ZNF71: variants seen among roughly 807,000 people sequenced by gnomAD.
ZNF71 encodes the protein zinc finger protein 71.
Under a neutral mutation model 6.7 loss-of-function variants are expected in ZNF71, and 3 were observed. The observed-to-expected ratio is 0.45, with a 90% CI of 0.20 to 1.16. The LOEUF (loss-of-function observed/expected upper bound fraction) is 1.16. Among genes scored for constraint, ZNF71 ranks in the 50% most tolerant of loss-of-function variants. The probability of loss-of-function intolerance (pLI) is 0.25; values close to 1 mark genes in which losing one functional copy is unlikely to be tolerated. For missense variants in ZNF71, 688 were observed against 728.6 expected (o/e 0.94, Z 0.64); for synonymous variants, 343 against 311.1 (o/e 1.10, Z -1.08).
intron 2 of ZNF71, among the ~76,000 whole-genome samples, chr19:56,610,907 A>G (rs1219974368): frequency 2.0e-5 from 3 of 152,186 alleles, no homozygotes; most frequent in Non-Finnish European, 4.4e-5. Flanking sequence ...ATGAGATTTC[A>G]TTGTATATAG....
chr19:56,605,095 G>A (rs534028560), intron 2 of ZNF71, among the ~76,000 whole-genome samples: 5 of 152,292 alleles, frequency 3.3e-5, no homozygotes, highest in African/African-American at 1.2e-4. Flanking sequence ...TTGTGGATGT[G>A]TTTTTCATGT....
chr19:56,602,114 C>G (rs901493996), intron 2 of ZNF71, among the ~76,000 whole-genome samples: 19 of 152,174 alleles, frequency 1.2e-4, no homozygotes, highest in African/African-American at 3.9e-4. Context: ...GAGCATTTCT[C>G]CACATCATTA....
At chr19:56,607,544 A>C (rs1321165383) in intron 2 of ZNF71, among the ~76,000 whole-genome samples, 1 of 152,196 alleles carries the variant, frequency 6.6e-6, no homozygotes, top group Non-Finnish European at 1.5e-5. Context: ...CCCTTTTAAC[A>C]GAGGAAGAAA....
chr19:56,601,430 T>C, intron 1 of ZNF71, 77 bp from the exon 2 acceptor site: 1 of 388,094 alleles, frequency 2.6e-6, no homozygotes, highest in African/African-American at 3.1e-5. Flanking sequence ...AGTGGGTGTG[T>C]GTCTGTCCTG....
chr19:56,620,940 C>G (rs761193426), intron 3 of ZNF71, among the ~76,000 whole-genome samples: 2 of 152,216 alleles, frequency 1.3e-5, no homozygotes, highest in African/African-American at 2.4e-5. Flanking sequence ...CATTCCTACT[C>G]AGGTTTGCAG....
chr19:56,621,495 G>A lies in ZNF71; in HGVS notation c.388G>A (p.Gly130Ser). 2 of 1,614,106 alleles carry A rather than the reference G, an allele frequency of 1.2e-6. No individual in the cohort carries two copies. Among genetic ancestry groups the A allele is most frequent in the Non-Finnish European group, 1.7e-6 (2 of 1,180,014 alleles). ...GIPQGNKLLGGSVPACHELKA... is the reference protein window; with the variant it reads ...GIPQGNKLLGSSVPACHELKA... Reference sequence around the variant, plus strand: ...TCCCCAGGGGAACAAACTCTTAGGGGGCTCAGTACCCGCATGTCATGAACT... The same window carrying A: ...TCCCCAGGGGAACAAACTCTTAGGGAGCTCAGTACCCGCATGTCATGAACT... Residue 130 changes from glycine to serine, a missense_variant, in exon 4 of 4, where the codon GGC (glycine) becomes AGC (serine). Transcript: ENST00000599599.
chr19:56,616,743 G>T (rs1319738599), intron 3 of ZNF71, among the ~76,000 whole-genome samples: 1 of 152,084 alleles, frequency 6.6e-6, no homozygotes. Context: ...TATCTGCCTT[G>T]GTCTCTCAGC....
At chr19:56,609,974 T>C (rs1267147328) in intron 2 of ZNF71, 1 of 152,278 alleles carries the variant, frequency 6.6e-6, no homozygotes, top group Non-Finnish European at 1.5e-5. Context: ...GGTTCCTTCA[T>C]GTTGCAGCGT....
chr19:56,605,339 A>G (rs1328434941), intron 2 of ZNF71, among the ~76,000 whole-genome samples: 3 of 152,254 alleles, frequency 2.0e-5, no homozygotes, highest in East Asian at 3.9e-4. Flanking sequence ...AAGCAGCCAC[A>G]AGGAAAAGTG....
In ZNF71 at chr19:56,624,120, C is replaced by T. The variant is rs1346089989; in HGVS notation, c.*1363C>T. 2 of 166,618 alleles carry T rather than the reference C, an allele frequency of 1.2e-5. No individual in the cohort carries two copies. Among genetic ancestry groups the T allele is most frequent in the Admixed American group, 1.3e-4 (2 of 15,284 alleles). The allele number at this position is 166,618 out of a possible 1,614,324, so 10.3% of individuals were successfully genotyped here. A position where few individuals can be genotyped will look rare whatever the true frequency, so the allele number is the denominator to read the frequency against. ...ATACTACTGGTTGCTAATGTTCTGG[C>T]ATTTCCAGTTGTTCCACACTCCCTG... On this transcript the variant is annotated 3_prime_UTR_variant, in exon 4 of 4. Coordinates refer to ENST00000599599, the MANE Select transcript of ZNF71 (RefSeq NM_001370215.1).
chr19:56,607,926 C>T (rs57842570), intron 2 of ZNF71, among the ~76,000 whole-genome samples: 12,442 of 152,152 alleles, frequency 0.082, 1,627 homozygotes, highest in African/African-American at 0.28. Context: ...TGGTGGGATG[C>T]CTTAACTCCT....
At position 56,598,118 on chromosome 19, in the gene ZNF71, G is replaced by A. The variant is rs1410026206; in HGVS notation, c.-53+2690G>A. Among the ~76,000 whole-genome samples the A allele has an allele frequency of 6.6e-6, 1 of 152,174 alleles. No individual in the cohort carries two copies. Among genetic ancestry groups the A allele is most frequent in the Non-Finnish European group, 1.5e-5 (1 of 68,034 alleles). ...ACTTGAAAACAACTATTTTAAAAAAGACAGTTGTCAATAGTGGTTTGTACT... is the reference window on the plus strand; with the variant it reads ...ACTTGAAAACAACTATTTTAAAAAAAACAGTTGTCAATAGTGGTTTGTACT... On this transcript the variant is annotated intron_variant, in intron 1 of 3. Coordinates refer to ENST00000599599, the MANE Select transcript of ZNF71 (RefSeq NM_001370215.1). This position sits in a 1 kb window ranked among gnomAD's most constrained non-coding sequence, Gnocchi z 4.2.
rs1016197020 is a variant in ZNF71, at chr19:56,622,915, C to A, written c.*158C>A. On this transcript the variant is annotated 3_prime_UTR_variant, in exon 4 of 4. Transcript: ENST00000599599. The stretch of plus-strand genomic sequence containing the variant: ...GTTGTGGAGGGGCTGGCTGATCACA[C>A]ATGCCCCCTCCTTACTGAGCCTCAG... 90 of 935,956 alleles carry A rather than the reference C, an allele frequency of 9.6e-5. No homozygotes were observed. Among genetic ancestry groups the A allele is most frequent in the Non-Finnish European group, 1.2e-4 (77 of 631,382 alleles). 58.0% of individuals were successfully genotyped at this position (935,956 alleles called of 1,614,324 possible).
chr19:56,620,474 A>G (rs2044835080), intron 3 of ZNF71, among the ~76,000 whole-genome samples: 1 of 152,170 alleles, frequency 6.6e-6, no homozygotes, highest in South Asian at 2.1e-4. Context: ...CACATGCCAT[A>G]TAAATGCTAG....
intron 2 of ZNF71, among the ~76,000 whole-genome samples, chr19:56,604,909 T>C (rs2044698051): frequency 6.6e-6 from 1 of 152,228 alleles, no homozygotes; most frequent in Non-Finnish European, 1.5e-5. Context: ...GAGTGCCTGC[T>C]GTATGCTATG....
chr19:56,610,306 T>C (rs1238011749), intron 2 of ZNF71: 1 of 152,258 alleles, frequency 6.6e-6, no homozygotes, highest in Non-Finnish European at 1.5e-5. Flanking sequence ...TGCGCCTGTA[T>C]AAGCACATAT....
rs554948158 is a variant in ZNF71, at chr19:56,609,011, A to T, written c.34-4801A>T. Among the ~76,000 whole-genome samples, 3 of 152,338 alleles carry T rather than the reference A, an allele frequency of 2.0e-5. No individual in the cohort carries two copies. In the East Asian group the frequency reaches 5.8e-4, roughly 29 times the overall value. ...TATGGTTGTCCAAAGACTTGCCCAT[A>T]TAAATAAAATGGAGTGGACATCTTT... On this transcript the variant is annotated intron_variant, in intron 2 of 3. Coordinates refer to ENST00000599599, the MANE Select transcript of ZNF71 (RefSeq NM_001370215.1).
At chr19:56,620,731 G>A (rs1411556769) in intron 3 of ZNF71, among the ~76,000 whole-genome samples, 2 of 151,942 alleles carry the variant, frequency 1.3e-5, no homozygotes, top group Admixed American at 6.5e-5. Flanking sequence ...AGGCGGGGGT[G>A]GGGGGTCTCA....
Position 56,622,191 on chromosome 19 carries a change from G to T in ZNF71, c.1084G>T (p.Glu362Ter). The T allele has an allele frequency of 6.2e-7, 1 of 1,613,360 alleles. No individual in the cohort carries two copies. The highest frequency in any genetic ancestry group is 1.3e-5 in the African/African-American group (1 of 74,802). ...HTGEKPYACKECGKAFNKSSS... is the reference protein window; with the variant it reads ...HTGEKPYACK ...CGGGGAGAAGCCGTACGCCTGCAAG[G>T]AGTGCGGCAAGGCCTTCAACAAGAG... The change falls in exon 4 of 4, where the codon GAG (glutamate) becomes TAG (stop). Residue 362 changes from glutamate (E) to a stop codon, truncating the protein, a stop_gained. Coordinates refer to ENST00000599599, the MANE Select transcript of ZNF71 (RefSeq NM_001370215.1). LOFTEE classifies it low-confidence loss of function (END_TRUNC).
Sources: gnomAD v4.1 joint callset for allele counts (sites outside exome capture counted in the v4.1 genomes callset) on GRCh38, gnomAD v4.1.1 for gene constraint, Gnocchi (gnomAD v3.1) non-coding constraint, MANE v1.5 for transcripts, NCBI Gene and HGNC (gene_info 2026-07-23, HGNC 2026-07-21) for gene names.